MAST3: variants seen among roughly 807,000 people sequenced by gnomAD.
MAST3 encodes microtubule associated serine/threonine kinase 3.
MAST3 carries 43 observed loss-of-function variants against 127.0 expected under a neutral mutation model. The observed-to-expected ratio is 0.34, with a 90% CI of 0.27 to 0.44. The LOEUF (loss-of-function observed/expected upper bound fraction) is 0.44, where lower values mean the gene tolerates loss of function less well. Ranked by LOEUF, MAST3 falls within the 20% of genes least tolerant of loss-of-function variation. The pLI is 1.00. For synonymous variants in MAST3, 785 were observed against 809.2 expected, an observed-to-expected ratio of 0.97 and a Z score of 0.51; for missense variants, 1,390 against 1,919.1, an observed-to-expected ratio of 0.72 and a Z score of 5.15.
At chr19:18,128,553 A>G (rs1055937162) in intron 12 of MAST3, 95 bp downstream of exon 12, 2 of 1,259,846 alleles carry the variant, frequency 1.6e-6, no homozygotes, top group African/African-American at 1.5e-5. Context: ...GAGGTCTTGC[A>G]TGTAGCTTAA....
Position 18,128,940 on chromosome 19 carries a change from C to T in MAST3, c.1212C>T (p.Asn404=), listed in dbSNP as rs377310188. Residue 404 remains asparagine, a synonymous_variant, in exon 13 of 28, where the codon AAC becomes AAT. Coordinates refer to ENST00000687212, the MANE Select transcript of MAST3 (RefSeq NM_001393504.1). ...SDFETIKLIS[N]GAYGAVYLVR... Reference sequence around the variant, plus strand: ...TTGAGACCATCAAACTCATTAGCAACGGAGCCTATGGGTGAGTCCCTGAGT... The same window carrying T: ...TTGAGACCATCAAACTCATTAGCAATGGAGCCTATGGGTGAGTCCCTGAGT... 4.6e-5 allele frequency: 74 copies of T among 1,613,764 alleles called. No individual in the cohort carries two copies. The highest frequency in any genetic ancestry group is 3.3e-4 in the African/African-American group (25 of 74,926).
At chr19:18,124,226 T>C in intron 9 of MAST3, 39 bp from the exon 10 acceptor site, 2 of 1,590,934 alleles carry the variant, frequency 1.3e-6, no homozygotes, top group South Asian at 1.1e-5. Context: ...CAGACGGTGC[T>C]GAGGACCTGT....
intron 3 of MAST3, among the ~76,000 whole-genome samples, chr19:18,111,754 A>G (rs2038674864): frequency 2.0e-5 from 3 of 151,938 alleles, no homozygotes; most frequent in African/African-American, 7.3e-5. Context: ...GGCTGGTCGC[A>G]AACCCCTCTG....
intron 8 of MAST3, 127 bp downstream of exon 8, chr19:18,123,782 T>C: frequency 9.3e-7 from 1 of 1,077,568 alleles, no homozygotes; most frequent in South Asian, 1.6e-5. Flanking sequence ...TCCTTCCCCT[T>C]CCGTTGAAAG....
chr19:18,140,051 C>T (rs1242084602), intron 20 of MAST3, among the ~76,000 whole-genome samples: 1 of 151,128 alleles, frequency 6.6e-6, no homozygotes, highest in Non-Finnish European at 1.5e-5. Flanking sequence ...GATCTCCTGA[C>T]CTCGTGATCC....
In MAST3 at chr19:18,142,014, C is replaced by T. The variant is rs779185013; in HGVS notation, c.2338C>T (p.Arg780Trp). The T allele has an allele frequency of 9.4e-6, 14 of 1,485,700 alleles. No individual in the cohort carries two copies. In the East Asian group the frequency reaches 1.3e-4, roughly 14 times the overall value. 92.0% of individuals were successfully genotyped at this position (1,485,700 alleles called of 1,614,324 possible). A position where few individuals can be genotyped will look rare whatever the true frequency, so the allele number is the denominator to read the frequency against. ...TGGCCGCCGGCTGAGTGCTGACATC[C>T]GGTAAGTGGCCTGGGGAAGTGTAGG... ...DYGRRLSADI[R>W]LRSWTSSGSS... The change falls in exon 21 of 28, where the codon CGG (arginine) becomes TGG (tryptophan). Residue 780 changes from arginine to tryptophan, a missense_variant and splice_region_variant. Around this residue, in one of 5 missense-constraint regions of MAST3, gnomAD observed 816 missense variants for 934.1 expected, o/e 0.87. Coordinates refer to ENST00000687212, the MANE Select transcript of MAST3 (RefSeq NM_001393504.1).
intron 19 of MAST3, among the ~76,000 whole-genome samples, chr19:18,138,012 C>T (rs1472003875): frequency 1.3e-5 from 2 of 152,140 alleles, no homozygotes; most frequent in African/African-American, 4.8e-5. Context: ...CGAGACCAGG[C>T]TGCCTGACCA....
chr19:18,149,156 G>A lies in MAST3; in HGVS notation c.3509-35G>A. On this transcript the variant is annotated intron_variant, in intron 27 of 27. Coordinates refer to ENST00000687212, the MANE Select transcript of MAST3 (RefSeq NM_001393504.1). The surrounding 1 kb of genome is among the most constrained non-coding windows in gnomAD (Gnocchi z 5.9). ...TCCACTTCTGGGCTGGGGACATTGA[G>A]GCCAGCAGCCCTGACCTACGCTTAT... 2 of 1,445,102 alleles carry A rather than the reference G, an allele frequency of 1.4e-6. No individual in the cohort carries two copies. The highest frequency in any genetic ancestry group is 1.8e-6 in the Non-Finnish European group (2 of 1,099,544). 89.5% of individuals were successfully genotyped at this position (1,445,102 alleles called of 1,614,324 possible).
At position 18,097,796 on chromosome 19, in the gene MAST3, G is replaced by T; in HGVS notation, c.4G>T (p.Asp2Tyr). ...TGGCGGCGCGGACTCCCGGGCCATG[G>T]ACGAGTCGAGCCTCCTGCGGCGCCG... is the stretch of plus-strand genomic sequence containing the variant. M[D>Y]ESSLLRRRGL... The change falls in exon 1 of 28, where the codon GAC becomes TAC. Residue 2 changes from aspartate (D) to tyrosine (Y), a missense_variant. Transcript: ENST00000687212. 3.3e-6 allele frequency: 4 copies of T among 1,223,072 alleles called. No individual in the cohort carries two copies. The highest frequency in any genetic ancestry group is 6.4e-5 in the East Asian group (2 of 31,022). 75.8% of individuals were successfully genotyped at this position (1,223,072 alleles called of 1,614,324 possible). A position where few individuals can be genotyped will look rare whatever the true frequency, so the allele number is the denominator to read the frequency against.
rs1486583956 is a variant in MAST3 at position 18,128,355 on chromosome 19, G to A, written c.1079-45G>A. ...TCAGGAAATTGCTGGGTGATGCAGG[G>A]TGAGGCAGGGAGGCTCCAGCTGAGC... is the stretch of plus-strand genomic sequence containing the variant. On this transcript the variant is annotated intron_variant, in intron 11 of 27. Transcript: ENST00000687212. 4.0e-6 allele frequency: 6 copies of A among 1,486,296 alleles called. No homozygotes were observed. In the East Asian group the frequency reaches 1.5e-4, roughly 37 times the overall value. The allele number at this position is 1,486,296 out of a possible 1,614,324, so 92.1% of individuals were successfully genotyped here.
At chr19:18,137,430 G>A in intron 19 of MAST3, 69 bp downstream of exon 19, 1 of 1,533,484 alleles carries the variant, frequency 6.5e-7, no homozygotes. Context: ...GGGGGCAGAG[G>A]GCTGTGTGCC....
At chr19:18,126,812 G>A (rs896142152) in intron 11 of MAST3, among the ~76,000 whole-genome samples, 4 of 151,330 alleles carry the variant, frequency 2.6e-5, no homozygotes, top group Non-Finnish European at 5.9e-5. Context: ...ACAGAGTCTC[G>A]CTCTCTCGCC....
chr19:18,135,697 C>T, intron 17 of MAST3, 43 bp from the exon 18 acceptor site: 3 of 1,467,488 alleles, frequency 2.0e-6, no homozygotes, highest in African/African-American at 2.8e-5. Flanking sequence ...GGTACCCTGC[C>T]TTCTCCCTCC....
At chr19:18,123,684 C>T (rs767003589) in intron 8 of MAST3, 29 bp downstream of exon 8, 3 of 1,499,976 alleles carry the variant, frequency 2.0e-6, no homozygotes, top group South Asian at 1.3e-5. Flanking sequence ...CTGGACCAGC[C>T]CCTGCACTTC....
intron 3 of MAST3, chr19:18,118,325 G>A: frequency 2.3e-6 from 2 of 880,594 alleles, no homozygotes; most frequent in Non-Finnish European, 2.7e-6. Flanking sequence ...AGTGTGTCCT[G>A]GCCGCGTGGC....
Position 18,139,015 on chromosome 19 carries a change from C to T in MAST3, c.2096C>T (p.Thr699Ile). 6.3e-7 allele frequency: 1 copy of T among 1,583,186 alleles called. No individual in the cohort carries two copies. Among genetic ancestry groups the T allele is most frequent in the East Asian group, 2.3e-5 (1 of 43,122 alleles). Residue 699 changes from threonine (T) to isoleucine (I), a missense_variant and splice_region_variant, in exon 20 of 28, where the codon ACA (threonine) becomes ATA (isoleucine). Physicochemically the swap from Thr to Ile is moderately conservative, Grantham distance 89 (BLOSUM62 -1). Coordinates refer to ENST00000687212, the MANE Select transcript of MAST3 (RefSeq NM_001393504.1). Reference sequence around the variant, plus strand: ...CTGCATGTGCCTCTCCCTCCCACAGCACGTTCGGAACGTTACCGCCATCTG... The same window carrying T: ...CTGCATGTGCCTCTCCCTCCCACAGTACGTTCGGAACGTTACCGCCATCTG... The part of the protein sequence containing the change: ...EAEDDTSYFD[T>I]RSERYRHLGS...
chr19:18,128,628 T>G (rs1464139015), intron 12 of MAST3, among the ~76,000 whole-genome samples, 170 bp downstream of exon 12: 1 of 151,982 alleles, frequency 6.6e-6, no homozygotes, highest in African/African-American at 2.4e-5. Context: ...GGAAGTCGGG[T>G]GGGGGCAGTG....
chr19:18,116,129 TA>T lies in MAST3; in HGVS notation c.161+5389del, dbSNP rs1203864167. On this transcript the variant is annotated intron_variant, in intron 3 of 27. Coordinates refer to ENST00000687212, the MANE Select transcript of MAST3 (RefSeq NM_001393504.1). ...TTTTTTTTGAGACGGAGTCTCGCTCTATCACCCAGGCTGGAGTGCATTGGTG... is the reference window on the plus strand; with the variant it reads ...TTTTTTTTGAGACGGAGTCTCGCTCTTCACCCAGGCTGGAGTGCATTGGTG... 3.2e-5 allele frequency among the ~76,000 whole-genome samples: 4 copies of T among 123,434 alleles called. No homozygotes were observed. In the South Asian group the frequency reaches 1.1e-3, roughly 34 times the overall value. The allele number at this position is 123,434 out of a possible 152,430, so 81.0% of individuals were successfully genotyped here.
chr19:18,123,346 C>A lies in MAST3; in HGVS notation c.529C>A (p.Arg177Ser), dbSNP rs781661671. 6.8e-6 allele frequency: 11 copies of A among 1,613,020 alleles called. No individual in the cohort carries two copies. The highest frequency in any genetic ancestry group is 9.3e-6 in the Non-Finnish European group (11 of 1,179,758). Reference protein sequence around the residue: ...VLDEEGGRSPRLRPRSRSLSP... With the variant: ...VLDEEGGRSPSLRPRSRSLSP... ...TGATGAGGAAGGCGGCCGGTCACCC[C>A]GCCTCCGACCCCGCTCTCGCAGTCT... The change falls in exon 7 of 28, where the codon CGC becomes AGC. Residue 177 changes from arginine to serine, a missense_variant. Coordinates refer to ENST00000687212, the MANE Select transcript of MAST3 (RefSeq NM_001393504.1).
Sources: allele counts gnomAD v4.1 joint callset (sites outside exome capture counted in the v4.1 genomes callset), GRCh38; gene constraint gnomAD v4.1.1; regional missense constraint gnomAD v4.1.1; non-coding constraint Gnocchi (gnomAD v3.1); transcripts MANE v1.5; gene names NCBI Gene and HGNC (gene_info 2026-07-23, HGNC 2026-07-21).